The following GNPDA2 variants were observed in gnomAD, a reference collection of about 807,000 sequenced individuals.
The protein encoded by GNPDA2 is glucosamine-6-phosphate deaminase 2.
GNPDA2 carries 24 observed loss-of-function variants against 27.0 expected under a neutral mutation model. The observed-to-expected ratio is 0.89, with a 90% CI of 0.64 to 1.25. The LOEUF (loss-of-function observed/expected upper bound fraction) is 1.25. Among genes scored for constraint, GNPDA2 ranks in the 50% most tolerant of loss-of-function variants. The pLI is 0.00. For missense variants in GNPDA2, 286 were observed against 335.1 expected, an observed-to-expected ratio of 0.85 and a Z score of 1.14; for synonymous variants, 94 against 108.4, an observed-to-expected ratio of 0.87 and a Z score of 0.83.
intron 4 of GNPDA2, among the ~76,000 whole-genome samples, chr4:44,714,008 G>A (rs969974693): frequency 6.6e-6 from 1 of 152,114 alleles, no homozygotes. Flanking sequence ...TTTCACTCTT[G>A]TTGCCCAGGC....
In GNPDA2 at chr4:44,702,876, C is replaced by T; in HGVS notation, c.*205G>A. 3.6e-6 allele frequency: 5 copies of T among 1,394,588 alleles called. No individual in the cohort carries two copies. In the South Asian group the frequency reaches 6.6e-5, roughly 18 times the overall value. The allele number at this position is 1,394,588 out of a possible 1,614,324, so 86.4% of individuals were successfully genotyped here. A position where few individuals can be genotyped will look rare whatever the true frequency, so the allele number is the denominator to read the frequency against. On this transcript the variant is annotated 3_prime_UTR_variant, in exon 7 of 7. Transcript: ENST00000295448. Reference sequence around the variant, plus strand: ...CAGTACTTTATAATAAATAGCCAGTCAATCTTGAGAGCCAGCTACTTCTCT... The same window carrying T: ...CAGTACTTTATAATAAATAGCCAGTTAATCTTGAGAGCCAGCTACTTCTCT...
Position 44,723,710 on chromosome 4 carries a change from C to T in GNPDA2, c.-35-1468G>A, listed in dbSNP as rs1256183352. On this transcript the variant is annotated intron_variant, in intron 1 of 6. Coordinates refer to ENST00000295448, the MANE Select transcript of GNPDA2 (RefSeq NM_138335.3). ...GTCATGAGTGTGAGGTGTCCAGTTC[C>T]TTGGCATTTTGAACAAAGAACTGCA... Among the ~76,000 whole-genome samples the T allele has an allele frequency of 2.6e-5, 4 of 152,150 alleles. No homozygotes were observed. In the East Asian group the frequency reaches 5.8e-4, roughly 22 times the overall value.
chr4:44,716,479 T>C (rs1475960628), intron 4 of GNPDA2, among the ~76,000 whole-genome samples: 1 of 149,606 alleles, frequency 6.7e-6, no homozygotes, highest in Non-Finnish European at 1.5e-5. Flanking sequence ...CACGTTGTCA[T>C]TACAAAGGAA....
intron 2 of GNPDA2, among the ~76,000 whole-genome samples, chr4:44,719,365 T>C (rs894763581): frequency 2.6e-5 from 4 of 151,802 alleles, no homozygotes; most frequent in Middle Eastern, 3.2e-3. Context: ...AACTAAACAG[T>C]CTCTGACAAA....
In GNPDA2 at chr4:44,717,882, A is replaced by G. The variant is rs1419074896; in HGVS notation, c.226+427T>C. On this transcript the variant is annotated intron_variant, in intron 3 of 6. Coordinates refer to ENST00000295448, the MANE Select transcript of GNPDA2 (RefSeq NM_138335.3). Reference sequence around the variant, plus strand: ...GTAGGCAAGTTAACAATAAATTATAAAAGCTCCAGGGCTACCAATATAGCT... The same window carrying G: ...GTAGGCAAGTTAACAATAAATTATAGAAGCTCCAGGGCTACCAATATAGCT... 2.0e-5 allele frequency among the ~76,000 whole-genome samples: 3 copies of G among 151,930 alleles called. No individual in the cohort carries two copies. In the East Asian group the frequency reaches 5.8e-4, roughly 29 times the overall value.
intron 4 of GNPDA2, among the ~76,000 whole-genome samples, chr4:44,712,248 A>T (rs1429860881): frequency 6.6e-6 from 1 of 152,094 alleles, no homozygotes; most frequent in East Asian, 1.9e-4. Context: ...TTGAGTCATT[A>T]AAATATCTTT....
chr4:44,708,736 T>A (rs920634466), intron 5 of GNPDA2, among the ~76,000 whole-genome samples: 1 of 152,156 alleles, frequency 6.6e-6, no homozygotes, highest in Non-Finnish European at 1.5e-5. Flanking sequence ...TTAAACTTTT[T>A]TTCCTCATTA....
chr4:44,711,143 A>C lies in GNPDA2; in HGVS notation c.410-6T>G, dbSNP rs1447946277. On this transcript the variant is annotated splice_polypyrimidine_tract_variant and splice_region_variant and intron_variant, in intron 4 of 6. Coordinates refer to ENST00000295448, the MANE Select transcript of GNPDA2 (RefSeq NM_138335.3). ...ATGACCATCTGGACCAATTCCTTTC[A>C]AAAGAAATATACATACATATACACA... is the stretch of plus-strand genomic sequence containing the variant. 1 of 1,564,240 alleles carries C rather than the reference A, an allele frequency of 6.4e-7. No homozygotes were observed. Among genetic ancestry groups the C allele is most frequent in the East Asian group, 2.3e-5 (1 of 43,126 alleles).
chr4:44,713,872 T>G (rs1429027761), intron 4 of GNPDA2, among the ~76,000 whole-genome samples: 1 of 152,164 alleles, frequency 6.6e-6, no homozygotes, highest in Non-Finnish European at 1.5e-5. Flanking sequence ...AGAGCGAGAC[T>G]CTGTCTCAAC....
At chr4:44,724,066 T>G (rs1467474786) in intron 1 of GNPDA2, among the ~76,000 whole-genome samples, 1 of 152,170 alleles carries the variant, frequency 6.6e-6, no homozygotes, top group African/African-American at 2.4e-5. Flanking sequence ...TAGCCTTTGG[T>G]CCTTTGCTAC....
intron 6 of GNPDA2, 180 bp downstream of exon 6, chr4:44,707,572 A>T: frequency 2.4e-6 from 1 of 424,396 alleles, no homozygotes. Context: ...AAAAAAAAAA[A>T]GGTACTACTT....
At chr4:44,721,936 G>A (rs1717695607) in intron 2 of GNPDA2, 148 bp downstream of exon 2, 1 of 575,156 alleles carries the variant, frequency 1.7e-6, no homozygotes, top group South Asian at 2.8e-5. Flanking sequence ...TTATATATAT[G>A]CATTTTTCTG....
At chr4:44,710,422 T>C (rs771370262) in intron 5 of GNPDA2, among the ~76,000 whole-genome samples, 4 of 152,140 alleles carry the variant, frequency 2.6e-5, no homozygotes, top group Non-Finnish European at 4.4e-5. Flanking sequence ...TTAAAAAAAC[T>C]TAAAAATTAC....
intron 5 of GNPDA2, among the ~76,000 whole-genome samples, chr4:44,708,824 A>G (rs1407700014): frequency 6.6e-6 from 1 of 152,170 alleles, no homozygotes; most frequent in East Asian, 1.9e-4. Context: ...TTTTATAACT[A>G]GACCTAAAAT....
chr4:44,702,963 G>T lies in GNPDA2; in HGVS notation c.*118C>A, dbSNP rs1716364705. The stretch of plus-strand genomic sequence containing the variant: ...GAATGTTTAACATAGAGACTCGAAT[G>T]AAAAAATGACAATCTTCAAAATTCC... On this transcript the variant is annotated 3_prime_UTR_variant, in exon 7 of 7. Transcript: ENST00000295448. 2.0e-6 allele frequency: 3 copies of T among 1,537,272 alleles called. No homozygotes were observed. Among genetic ancestry groups the T allele is most frequent in the Non-Finnish European group, 2.6e-6 (3 of 1,150,638 alleles).
At position 44,704,537 on chromosome 4, in the gene GNPDA2, T is replaced by A. The variant is rs188001948; in HGVS notation, c.770-1395A>T. 1.2e-3 allele frequency: 854 copies of A among 717,032 alleles called. 7 individuals carry two copies. In the African/African-American group the frequency reaches 0.016, roughly 13 times the overall value. 44.4% of individuals were successfully genotyped at this position (717,032 alleles called of 1,614,324 possible). On this transcript the variant is annotated intron_variant, in intron 6 of 6. Transcript: ENST00000295448. The stretch of plus-strand genomic sequence containing the variant: ...TCTTTTATACATCAAATAGGACTGC[T>A]TCCAAACTAGAAATAATTATTTTGA...
intron 2 of GNPDA2, among the ~76,000 whole-genome samples, chr4:44,720,593 T>C (rs1717600998): frequency 6.6e-6 from 1 of 152,100 alleles, no homozygotes; most frequent in South Asian, 2.1e-4. Flanking sequence ...TGAACAGATA[T>C]TGCCCAGAAA....
At chr4:44,711,216 A>C in intron 4 of GNPDA2, 79 bp from the exon 5 acceptor site, 1 of 832,886 alleles carries the variant, frequency 1.2e-6, no homozygotes, top group Non-Finnish European at 1.7e-6. Flanking sequence ...AAGAACAAAA[A>C]AAAAATCACC....
chr4:44,710,339 A>G (rs1289743738), intron 5 of GNPDA2, among the ~76,000 whole-genome samples: 1 of 152,126 alleles, frequency 6.6e-6, no homozygotes, highest in Non-Finnish European at 1.5e-5. Flanking sequence ...GTTTCCATAT[A>G]ATTTAACTAC....
Sources: allele counts gnomAD v4.1 joint callset (sites outside exome capture counted in the v4.1 genomes callset), GRCh38; gene constraint gnomAD v4.1.1; transcripts MANE v1.5; gene names NCBI Gene and HGNC (gene_info 2026-07-23, HGNC 2026-07-21).